Variants in DIP2B observed in about 807,000 individuals in gnomAD.
DIP2B encodes disco-interacting protein 2 homolog B.
Under a neutral mutation model 198.0 loss-of-function variants are expected in DIP2B, and 76 were observed. That is an observed-to-expected ratio of 0.38 (90% CI 0.32 to 0.46). DIP2B has a LOEUF of 0.46. Among genes scored for constraint, DIP2B ranks in the 20% least tolerant of loss-of-function variants. The pLI is 0.99. For missense variants in DIP2B, 1,559 were observed against 1,978.4 expected, an observed-to-expected ratio of 0.79 and a Z score of 4.02; for synonymous variants, 701 against 739.1, an observed-to-expected ratio of 0.95 and a Z score of 0.84.
intron 1 of DIP2B, among the ~76,000 whole-genome samples, chr12:50,566,654 G>A (rs916663564): frequency 6.6e-6 from 1 of 151,828 alleles, no homozygotes; most frequent in African/African-American, 2.4e-5. Flanking sequence ...TAGATTTTTT[G>A]ATTTCTTTTT....
At chr12:50,567,338 CAT>C (rs894803001) in intron 1 of DIP2B, among the ~76,000 whole-genome samples, 5 of 152,126 alleles carry the variant, frequency 3.3e-5, no homozygotes, top group East Asian at 1.9e-4. Flanking sequence ...TGTATACCTG[CAT>C]GTGTGTGTGT....
intron 23 of DIP2B, among the ~76,000 whole-genome samples, chr12:50,717,193 C>A (rs373067497): frequency 2.0e-5 from 3 of 151,482 alleles, no homozygotes; most frequent in East Asian, 1.9e-4. Context: ...GATCTGCCCC[C>A]CTCTGCCTCC....
At chr12:50,595,717 T>C (rs1036153918) in intron 1 of DIP2B, among the ~76,000 whole-genome samples, 1 of 152,262 alleles carries the variant, frequency 6.6e-6, no homozygotes, top group African/African-American at 2.4e-5. Context: ...TTGTGACAGT[T>C]GAACGTATTC....
At position 50,532,429 on chromosome 12, in the gene DIP2B, C is replaced by T. The variant is rs147171051; in HGVS notation, c.100+27189C>T. Reference sequence around the variant, plus strand: ...ACTTGGGAGTCTGAGGTGGGAGGATCGCTTGAATCTGGGAGGTGAAGGCTG... The same window carrying T: ...ACTTGGGAGTCTGAGGTGGGAGGATTGCTTGAATCTGGGAGGTGAAGGCTG... On this transcript the variant is annotated intron_variant, in intron 1 of 37. Transcript: ENST00000301180. Among the ~76,000 whole-genome samples, 8 of 152,176 alleles carry T rather than the reference C, an allele frequency of 5.3e-5. No individual in the cohort carries two copies. In the East Asian group the frequency reaches 9.7e-4, roughly 18 times the overall value.
At chr12:50,703,382 G>A (rs1939457147) in intron 19 of DIP2B, among the ~76,000 whole-genome samples, 1 of 152,008 alleles carries the variant, frequency 6.6e-6, no homozygotes, top group Non-Finnish European at 1.5e-5. Context: ...AGTGTAAATG[G>A]ATACGACAGT....
At chr12:50,579,342 A>G (rs1490232026) in intron 1 of DIP2B, among the ~76,000 whole-genome samples, 1 of 151,716 alleles carries the variant, frequency 6.6e-6, no homozygotes, top group East Asian at 1.9e-4. Flanking sequence ...GTCAGGCACA[A>G]TGGCTCACAC....
At chr12:50,519,760 A>G (rs770959294) in intron 1 of DIP2B, among the ~76,000 whole-genome samples, 1 of 151,292 alleles carries the variant, frequency 6.6e-6, no homozygotes, top group African/African-American at 2.4e-5. Context: ...ATAAATGAAC[A>G]TAGATGCTTC....
chr12:50,506,430 A>G (rs1252932003), intron 1 of DIP2B, among the ~76,000 whole-genome samples: 6 of 152,224 alleles, frequency 3.9e-5, no homozygotes, highest in Non-Finnish European at 7.3e-5. Flanking sequence ...ATCCTTTACA[A>G]TGAAAAACCA....
chr12:50,540,204 G>A (rs962385486), intron 1 of DIP2B, among the ~76,000 whole-genome samples: 5 of 150,240 alleles, frequency 3.3e-5, no homozygotes, highest in African/African-American at 9.8e-5. Flanking sequence ...CACCTCCCAG[G>A]TTTAAGCAAT....
In DIP2B at chr12:50,542,248, CA is replaced by C. The variant is rs35430997; in HGVS notation, c.100+37025del. 3.2e-3 allele frequency among the ~76,000 whole-genome samples: 164 copies of C among 51,308 alleles called. No homozygotes were observed. In the East Asian group the frequency reaches 0.042, roughly 13 times the overall value. The allele number at this position is 51,308 out of a possible 152,430, so 33.7% of individuals were successfully genotyped here. A position where few individuals can be genotyped will look rare whatever the true frequency, so the allele number is the denominator to read the frequency against. ...TGGGTGACAGAGTGAGACTCCGTCT[CA>C]AAAAAAAAAAAAAAAAGAAAAAAAA... On this transcript the variant is annotated intron_variant, in intron 1 of 37. Coordinates refer to ENST00000301180, the MANE Select transcript of DIP2B (RefSeq NM_173602.3).
chr12:50,656,721 G>A lies in DIP2B; in HGVS notation c.302-3473G>A, dbSNP rs145724302. On this transcript the variant is annotated intron_variant, in intron 3 of 37. Coordinates refer to ENST00000301180, the MANE Select transcript of DIP2B (RefSeq NM_173602.3). ...CAAGTAGCTGGGACTACAGGCATGCGCCACCATGCTCAGCTAATTTTTGTA... is the reference window on the plus strand; with the variant it reads ...CAAGTAGCTGGGACTACAGGCATGCACCACCATGCTCAGCTAATTTTTGTA... 5.2e-3 allele frequency among the ~76,000 whole-genome samples: 787 copies of A among 152,196 alleles called. 11 individuals are homozygous for A. The highest frequency in any genetic ancestry group is 0.018 in the African/African-American group (746 of 41,526).
In DIP2B at chr12:50,654,337, A is replaced by G. The variant is rs368313750; in HGVS notation, c.302-5857A>G. Among the ~76,000 whole-genome samples the G allele has an allele frequency of 4.3e-4, 65 of 151,952 alleles. No homozygotes were observed. The South Asian group carries it at 0.013, about 30-fold the overall frequency. The stretch of plus-strand genomic sequence containing the variant: ...TCAAAAAAACAGATGCCATACTGAA[A>G]GAAAATATTTCTTTCTTTCTTTTTT... On this transcript the variant is annotated intron_variant, in intron 3 of 37. Transcript: ENST00000301180.
chr12:50,705,765 T>C (rs1020144576), intron 20 of DIP2B, among the ~76,000 whole-genome samples: 1 of 152,248 alleles, frequency 6.6e-6, no homozygotes, highest in African/African-American at 2.4e-5. Flanking sequence ...TTGTTGAGGA[T>C]ATGGGTTATG....
chr12:50,598,132 T>A (rs1958894140), intron 1 of DIP2B, among the ~76,000 whole-genome samples: 1 of 152,202 alleles, frequency 6.6e-6, no homozygotes, highest in South Asian at 2.1e-4. Context: ...ACCCCACTTT[T>A]GCATTACTGA....
intron 31 of DIP2B, 90 bp from the exon 32 acceptor site, chr12:50,732,276 T>C: frequency 6.8e-7 from 1 of 1,464,426 alleles, no homozygotes; most frequent in Non-Finnish European, 9.3e-7. Context: ...TGCTTGGCTT[T>C]TCCTGACCAA....
chr12:50,526,935 C>A (rs1442043452), intron 1 of DIP2B, among the ~76,000 whole-genome samples: 1 of 152,134 alleles, frequency 6.6e-6, no homozygotes, highest in Non-Finnish European at 1.5e-5. Context: ...TGCACCCGGC[C>A]TTTTTTCCTC....
intron 22 of DIP2B, among the ~76,000 whole-genome samples, chr12:50,712,278 T>C (rs1939630177): frequency 6.6e-6 from 1 of 152,148 alleles, no homozygotes; most frequent in South Asian, 2.1e-4. Flanking sequence ...CTATGGGTAA[T>C]ACGGTAGAAA....
intron 1 of DIP2B, among the ~76,000 whole-genome samples, chr12:50,523,345 G>GA (rs574449969): frequency 4.7e-5 from 7 of 149,370 alleles, no homozygotes; most frequent in Non-Finnish European, 7.4e-5. Context: ...GTGATGACAG[G>GA]AAAAAAAAAA....
rs1375100582 is a variant in DIP2B at position 50,734,233 on chromosome 12, T to G, written c.4043+37T>G. Reference sequence around the variant, plus strand: ...TTATTAATGCTCCTTTCCTACTAGTTCCTAAGCATAACAAATTCGGAACCT... The same window carrying G: ...TTATTAATGCTCCTTTCCTACTAGTGCCTAAGCATAACAAATTCGGAACCT... On this transcript the variant is annotated intron_variant, in intron 33 of 37. Transcript: ENST00000301180. 2.5e-6 allele frequency: 4 copies of G among 1,608,000 alleles called. No homozygotes were observed. In the African/African-American group the frequency reaches 5.3e-5, roughly 21 times the overall value.
Sources: allele counts gnomAD v4.1 joint callset (sites outside exome capture counted in the v4.1 genomes callset), GRCh38; gene constraint gnomAD v4.1.1; transcripts MANE v1.5; gene names NCBI Gene and HGNC (gene_info 2026-07-23, HGNC 2026-07-21).